Variants in ABCA9 observed in about 807,000 individuals in gnomAD.
ABCA9 encodes the protein ATP binding cassette subfamily A member 9.
ABCA9 carries 183 observed loss-of-function variants against 205.3 expected under a neutral mutation model. The ratio of observed to expected loss-of-function variants is 0.89; its 90% CI spans 0.79 to 1.01. The LOEUF (loss-of-function observed/expected upper bound fraction) is 1.01. ABCA9 is among the 50% of genes least tolerant of loss of function. The probability of loss-of-function intolerance (pLI) is 0.00; values close to 1 mark genes in which losing one functional copy is unlikely to be tolerated. For synonymous variants in ABCA9, 651 were observed against 683.3 expected (o/e 0.95, Z 0.74); for missense variants, 1,805 against 1,912.4 (o/e 0.94, Z 1.05).
chr17:68,987,452 G>A (rs574380060), intron 31 of ABCA9, among the ~76,000 whole-genome samples: 7 of 152,346 alleles, frequency 4.6e-5, no homozygotes, highest in South Asian at 2.1e-4. Flanking sequence ...ATAACAGGGA[G>A]GATTTAATTT....
At chr17:69,064,982 C>G (rs999493568), upstream of ABCA9, among the ~76,000 whole-genome samples, 1 of 152,150 alleles carries the variant, frequency 6.6e-6, no homozygotes, top group Non-Finnish European at 1.5e-5. Flanking sequence ...ATATTTCTCA[C>G]TTTAAAAATA....
chr17:69,061,117 A>C (rs2072234705), upstream of ABCA9: 1 of 985,236 alleles, frequency 1.0e-6, no homozygotes, highest in Non-Finnish European at 1.2e-6. Flanking sequence ...CCTGCTAGTT[A>C]CTCAGCAGGG....
chr17:69,007,898 A>G, intron 24 of ABCA9, 26 bp from the exon 25 acceptor site: 1 of 1,502,776 alleles, frequency 6.7e-7, no homozygotes, highest in Non-Finnish European at 9.2e-7. Flanking sequence ...TTAAGGTCCA[A>G]TAAGGTAAAT....
chr17:69,060,276 T>C (rs1270877917), intron 1 of ABCA9, among the ~76,000 whole-genome samples: 4 of 152,182 alleles, frequency 2.6e-5, no homozygotes, highest in African/African-American at 9.7e-5. Flanking sequence ...AAATTGGTTA[T>C]AAAAAGCCAA....
intron 8 of ABCA9, 32 bp from the exon 9 acceptor site, chr17:69,033,905 GAATT>G: frequency 1.4e-6 from 2 of 1,478,298 alleles, no homozygotes; most frequent in African/African-American, 1.4e-5. Context: ...AATTTTAAAA[GAATT>G]AATATGGCAT....
intron 26 of ABCA9, among the ~76,000 whole-genome samples, chr17:68,994,229 T>A (rs1269608905): frequency 6.6e-6 from 1 of 152,238 alleles, no homozygotes; most frequent in Non-Finnish European, 1.5e-5. Context: ...TCTTACTCCA[T>A]AATTTGGAAT....
intron 22 of ABCA9, among the ~76,000 whole-genome samples, chr17:69,014,175 A>T (rs1392346439): frequency 4.6e-5 from 7 of 152,084 alleles, no homozygotes; most frequent in Non-Finnish European, 1.5e-5. Context: ...CTAATCTGAA[A>T]ATCTGAAATC....
intron 6 of ABCA9, among the ~76,000 whole-genome samples, chr17:69,039,358 A>G (rs2071458005): frequency 6.6e-6 from 1 of 152,192 alleles, no homozygotes; most frequent in African/African-American, 2.4e-5. Flanking sequence ...ACTGGTACCA[A>G]AACAGATATA....
intron 29 of ABCA9, 84 bp downstream of exon 29, chr17:68,990,752 GT>G: frequency 6.5e-7 from 1 of 1,542,624 alleles, no homozygotes; most frequent in East Asian, 2.3e-5. Flanking sequence ...AACCCCAAGT[GT>G]TTTTCGAAAA....
chr17:68,988,099 T>C (rs1231705198), intron 31 of ABCA9, among the ~76,000 whole-genome samples: 1 of 152,148 alleles, frequency 6.6e-6, no homozygotes, highest in African/African-American at 2.4e-5. Context: ...CTTGCTGCAG[T>C]GTGAGGCAAG....
the ABCA9 span, among the ~76,000 whole-genome samples, chr17:69,070,672 G>A: frequency 6.6e-6 from 1 of 152,170 alleles, no homozygotes; most frequent in East Asian, 1.9e-4. Context: ...TGGCCATTTG[G>A]GCAGACACCG....
Position 69,045,257 on chromosome 17 carries a change from G to A in ABCA9, c.384C>T (p.Val128=), listed in dbSNP as rs2071672887. 1 of 1,613,118 alleles carries A rather than the reference G, an allele frequency of 6.2e-7. No individual in the cohort carries two copies. The highest frequency in any genetic ancestry group is 8.5e-7 in the Non-Finnish European group (1 of 1,179,534). The change falls in exon 4 of 39, where the codon GTC becomes GTT. Residue 128 remains valine, a synonymous_variant. Transcript: ENST00000340001. ...DLNYSIDAVR[V]IFTDTFSYHL... is the part of the protein sequence containing the mutation. ...GGTAGGAGAAGGTATCAGTAAAGAT[G>A]ACTCTCACTGCGTCTATTGAATAGT... is the stretch of plus-strand genomic sequence containing the variant.
chr17:69,010,458 G>A (rs146917346), intron 23 of ABCA9, among the ~76,000 whole-genome samples: 1 of 152,222 alleles, frequency 6.6e-6, no homozygotes, highest in Non-Finnish European at 1.5e-5. Context: ...GTAGCTAGAG[G>A]AGGAGAGTAC....
At chr17:69,015,445 C>T (rs984410272) in intron 22 of ABCA9, among the ~76,000 whole-genome samples, 1 of 152,176 alleles carries the variant, frequency 6.6e-6, no homozygotes, top group African/African-American at 2.4e-5. Context: ...CCCAGATCTT[C>T]TGCCTCTGGG....
chr17:68,983,992 G>A, intron 35 of ABCA9, 64 bp downstream of exon 35: 1 of 1,606,732 alleles, frequency 6.2e-7, no homozygotes, highest in South Asian at 1.1e-5. Flanking sequence ...CCTGGTGCAG[G>A]GAAATAAACT....
chr17:68,988,451 C>T (rs1276313493), intron 31 of ABCA9, among the ~76,000 whole-genome samples: 1 of 152,128 alleles, frequency 6.6e-6, no homozygotes, highest in Non-Finnish European at 1.5e-5. Context: ...TGCAATAATA[C>T]CCTCAACTGC....
At chr17:68,992,456 C>T (rs1326983631) in intron 27 of ABCA9, 190 bp from the exon 28 acceptor site, 1 of 418,886 alleles carries the variant, frequency 2.4e-6, no homozygotes, top group Non-Finnish European at 4.3e-6. Context: ...CAGAGAGAGC[C>T]TAACAGAAAT....
chr17:68,985,210 C>A, intron 32 of ABCA9, 82 bp from the exon 33 acceptor site: 2 of 1,583,528 alleles, frequency 1.3e-6, no homozygotes, highest in East Asian at 2.2e-5. Context: ...AGAAACACGA[C>A]GGTGGGGGAG....
intron 25 of ABCA9, among the ~76,000 whole-genome samples, chr17:69,005,211 T>C (rs967121608): frequency 6.6e-6 from 1 of 152,224 alleles, no homozygotes; most frequent in Admixed American, 6.5e-5. Context: ...TCAGTACCTT[T>C]GAAGCCTGGA....
Sources: gnomAD v4.1 joint callset for allele counts (sites outside exome capture counted in the v4.1 genomes callset) on GRCh38, gnomAD v4.1.1 for gene constraint, MANE v1.5 for transcripts, NCBI Gene and HGNC (gene_info 2026-07-23, HGNC 2026-07-21) for gene names.